Variants in ARCN1 observed in about 807,000 individuals in gnomAD.
ARCN1 encodes archain 1 coat protein complex I subunit delta.
ARCN1 carries 5 observed loss-of-function variants against 60.4 expected under a neutral mutation model. The observed-to-expected ratio is 0.08, with a 90% CI of 0.04 to 0.17. The LOEUF (loss-of-function observed/expected upper bound fraction) is 0.17. Among genes scored for constraint, ARCN1 ranks in the 10% least tolerant of loss-of-function variants. ARCN1 has a pLI of 1.00. For synonymous variants in ARCN1, 224 were observed against 220.0 expected (o/e 1.02, Z -0.16); for missense variants, 464 against 626.5 (o/e 0.74, Z 2.77).
intron 1 of ARCN1, among the ~76,000 whole-genome samples, chr11:118,577,840 T>C (rs1465418354): frequency 6.6e-6 from 1 of 152,166 alleles, no homozygotes; most frequent in Non-Finnish European, 1.5e-5. Context: ...GTACCTATAA[T>C]TAGTTTTTGA....
In ARCN1 at chr11:118,597,904, A is replaced by G. The variant is rs782514712; in HGVS notation, c.1439A>G (p.Asn480Ser). Residue 480 changes from asparagine to serine, a missense_variant, in exon 9 of 10, where the codon AAC becomes AGC. This residue lies in a region of ARCN1 where 359 missense variants were observed against 440.2 expected (regional missense o/e 0.82). Transcript: ENST00000264028. The stretch of plus-strand genomic sequence containing the variant: ...TTTGTCTCCAAGAAAAATTACTGTA[A>G]CATACAGGTACTCCATTTTAGTTGA... ...VSFVSKKNYC[N>S]IQVTKVTQVD... The G allele has an allele frequency of 6.8e-6, 11 of 1,614,130 alleles. No individual in the cohort carries two copies. Among genetic ancestry groups the G allele is most frequent in the Non-Finnish European group, 9.3e-6 (11 of 1,180,010 alleles).
chr11:118,584,624 T>G lies in ARCN1; in HGVS notation c.798T>G (p.Ala266=). 2 of 1,607,598 alleles carry G rather than the reference T, an allele frequency of 1.2e-6. No individual in the cohort carries two copies. Among genetic ancestry groups the G allele is most frequent in the Admixed American group, 1.7e-5 (1 of 58,428 alleles). Residue 266 remains alanine, a synonymous_variant, in exon 5 of 10, where the codon GCT becomes GCG. Coordinates refer to ENST00000264028, the MANE Select transcript of ARCN1 (RefSeq NM_001655.5). Reference sequence around the variant, plus strand: ...CTTCTGAAGCAACCAAAATGCATGCTCCACCCATTAATATGGAAAGGTAAG... The same window carrying G: ...CTTCTGAAGCAACCAAAATGCATGCGCCACCCATTAATATGGAAAGGTAAG... ...KRTSEATKMH[A]PPINMESVHM...
At chr11:118,587,256 C>T (rs1049311725) in intron 5 of ARCN1, among the ~76,000 whole-genome samples, 2 of 152,088 alleles carry the variant, frequency 1.3e-5, no homozygotes, top group Non-Finnish European at 2.9e-5. Flanking sequence ...AGAAGTCTTC[C>T]TCTCACTCAG....
At chr11:118,586,961 T>C (rs782147946) in intron 5 of ARCN1, among the ~76,000 whole-genome samples, 56 of 152,146 alleles carry the variant, frequency 3.7e-4, no homozygotes, top group Admixed American at 1.3e-4. Context: ...GAGCAAACTT[T>C]TGTGAAGGTA....
intron 8 of ARCN1, among the ~76,000 whole-genome samples, chr11:118,595,739 T>C (rs1555077019): frequency 6.6e-6 from 1 of 152,236 alleles, no homozygotes; most frequent in African/African-American, 2.4e-5. Flanking sequence ...AGTGTATCTT[T>C]ACTGTTATGT....
chr11:118,580,330 AAAAG>A (rs1161401786), intron 1 of ARCN1, among the ~76,000 whole-genome samples: 3 of 152,200 alleles, frequency 2.0e-5, no homozygotes, highest in African/African-American at 7.2e-5. Flanking sequence ...TCTCCAAAAA[AAAAG>A]AAAGAAATTG....
chr11:118,582,376 T>C (rs1555074774), intron 2 of ARCN1, among the ~76,000 whole-genome samples: 2 of 151,932 alleles, frequency 1.3e-5, no homozygotes, highest in Non-Finnish European at 2.9e-5. Flanking sequence ...GTGATCTGCC[T>C]ATCTTGGCGT....
At chr11:118,600,539 A>G (rs1939125277) in intron 9 of ARCN1, 86 bp from the exon 10 acceptor site, 4 of 848,448 alleles carry the variant, frequency 4.7e-6, no homozygotes, top group Middle Eastern at 2.3e-4. Flanking sequence ...TTTTAGGGAA[A>G]TTGATATGTT....
Position 118,601,922 on chromosome 11 carries a change from C to T in ARCN1, c.*1208C>T. On this transcript the variant is annotated 3_prime_UTR_variant, in exon 10 of 10. Transcript: ENST00000264028. The stretch of plus-strand genomic sequence containing the variant: ...TTTCTCCACATTTTGGGTACTTAAG[C>T]TAAAACGTAATGGCCACAGTCTGTA... 1.7e-6 allele frequency: 1 copy of T among 584,606 alleles called. No individual in the cohort carries two copies. Among genetic ancestry groups the T allele is most frequent in the South Asian group, 2.1e-5 (1 of 47,710 alleles). The allele number at this position is 584,606 out of a possible 1,614,324, so 36.2% of individuals were successfully genotyped here. A position where few individuals can be genotyped will look rare whatever the true frequency, so the allele number is the denominator to read the frequency against.
intron 5 of ARCN1, among the ~76,000 whole-genome samples, chr11:118,589,802 C>T (rs1427586847): frequency 1.3e-5 from 2 of 152,194 alleles, no homozygotes; most frequent in Non-Finnish European, 2.9e-5. Flanking sequence ...CAGTGAATAA[C>T]TTAGCAGATT....
In ARCN1 at chr11:118,576,426, TAAAAA is replaced by T. The variant is rs10671866; in HGVS notation, c.3+3895_3+3899del. Among the ~76,000 whole-genome samples, 366 of 108,770 alleles carry T rather than the reference TAAAAA, an allele frequency of 3.4e-3. 2 individuals carry two copies. The highest frequency in any genetic ancestry group is 0.015 in the Middle Eastern group (2 of 130). The allele number at this position is 108,770 out of a possible 152,430, so 71.4% of individuals were successfully genotyped here. Reference sequence around the variant, plus strand: ...TCTGGAATGTTTTTTCCAAAAATGTTAAAAAAAAAAAAAAAAAAAAAAACCAAAAA... The same window carrying T: ...TCTGGAATGTTTTTTCCAAAAATGTTAAAAAAAAAAAAAAAAAACCAAAAA... On this transcript the variant is annotated intron_variant, in intron 1 of 9. Transcript: ENST00000264028.
chr11:118,574,112 AC>A, intron 1 of ARCN1, among the ~76,000 whole-genome samples: 1 of 152,216 alleles, frequency 6.6e-6, no homozygotes, highest in Non-Finnish European at 1.5e-5. Flanking sequence ...ATAAAATATA[AC>A]TTTTGCATGC....
intron 1 of ARCN1, among the ~76,000 whole-genome samples, chr11:118,578,156 T>C (rs1051151826): frequency 7.0e-6 from 1 of 142,042 alleles, no homozygotes; most frequent in Non-Finnish European, 1.5e-5. Flanking sequence ...AGTGAGACAC[T>C]CTCTCAAAAA....
chr11:118,597,805 C>A lies in ARCN1; in HGVS notation c.1340C>A (p.Ala447Asp), dbSNP rs782605994. ...TLEWCLPVID[A>D]KNKSGSLEFS... ...GAGTGGTGCCTGCCTGTGATTGATG[C>A]CAAAAATAAGAGTGGCAGCCTGGAG... The change falls in exon 9 of 10, where the codon GCC (alanine) becomes GAC (aspartate). Residue 447 changes from alanine (A) to aspartate (D), a missense_variant. By Grantham distance (126) the Ala-to-Asp change is moderately radical. Around this residue, in one of 2 missense-constraint regions of ARCN1, gnomAD observed 359 missense variants for 440.2 expected, o/e 0.82. Transcript: ENST00000264028. 6.2e-7 allele frequency: 1 copy of A among 1,614,130 alleles called. No individual in the cohort carries two copies. The highest frequency in any genetic ancestry group is 1.7e-5 in the Admixed American group (1 of 60,010).
intron 1 of ARCN1, among the ~76,000 whole-genome samples, chr11:118,573,171 A>C (rs924703861): frequency 6.6e-6 from 1 of 152,168 alleles, no homozygotes; most frequent in African/African-American, 2.4e-5. Context: ...ACTTGTGTCC[A>C]TTTGTTAGTG....
chr11:118,582,860 G>A (rs1160351903), intron 2 of ARCN1, among the ~76,000 whole-genome samples: 1 of 151,946 alleles, frequency 6.6e-6, no homozygotes, highest in African/African-American at 2.4e-5. Context: ...GGCCAACATG[G>A]TGAAACCCCG....
In ARCN1 at chr11:118,583,792, T is replaced by C. The variant is rs782785959; in HGVS notation, c.448-17T>C. The C allele has an allele frequency of 1.2e-6, 2 of 1,609,350 alleles. No homozygotes were observed. Among genetic ancestry groups the C allele is most frequent in the South Asian group, 1.1e-5 (1 of 89,766 alleles). ...CCCAAAAAAAAAAGCTACATTAATG[T>C]ATGTCTTTTTCTGTAGACTCAAGAA... On this transcript the variant is annotated splice_polypyrimidine_tract_variant and intron_variant, in intron 3 of 9. Coordinates refer to ENST00000264028, the MANE Select transcript of ARCN1 (RefSeq NM_001655.5).
rs1555076562 is a variant in ARCN1, at chr11:118,592,951, G to A, written c.1132+95G>A. 7 of 1,274,326 alleles carry A rather than the reference G, an allele frequency of 5.5e-6. No individual in the cohort carries two copies. In the African/African-American group the frequency reaches 5.9e-5, roughly 11 times the overall value. 78.9% of individuals were successfully genotyped at this position (1,274,326 alleles called of 1,614,324 possible). On this transcript the variant is annotated intron_variant, in intron 7 of 9. Coordinates refer to ENST00000264028, the MANE Select transcript of ARCN1 (RefSeq NM_001655.5). ...CTTTTATTTTTATTACCATAGCAAAGTTCTTTCTGACAAAATGACTTTCTT... is the reference window on the plus strand; with the variant it reads ...CTTTTATTTTTATTACCATAGCAAAATTCTTTCTGACAAAATGACTTTCTT...
intron 1 of ARCN1, among the ~76,000 whole-genome samples, chr11:118,576,436 A>AC (rs1938509627): frequency 6.8e-6 from 1 of 146,008 alleles, no homozygotes; most frequent in African/African-American, 2.5e-5. Context: ...TAAAAAAAAA[A>AC]AAAAAAAAAA....
Sources: gnomAD v4.1 joint callset for allele counts (sites outside exome capture counted in the v4.1 genomes callset) on GRCh38, gnomAD v4.1.1 for gene constraint, gnomAD v4.1.1 regional missense constraint, MANE v1.5 for transcripts, NCBI Gene and HGNC (gene_info 2026-07-23, HGNC 2026-07-21) for gene names.